EPN3: variants seen among roughly 807,000 people sequenced by gnomAD.
EPN3 encodes the protein epsin 3.
In EPN3, 56 loss-of-function variants were observed where a neutral mutation model predicts 55.5. The observed-to-expected ratio is 1.01, with a 90% CI of 0.81 to 1.26. The LOEUF (loss-of-function observed/expected upper bound fraction) is 1.26. Ranked by LOEUF, EPN3 falls within the 50% of genes most tolerant of loss-of-function variation. EPN3 has a pLI of 0.00. For synonymous variants in EPN3, 449 were observed against 375.2 expected (o/e 1.20, Z -2.27); for missense variants, 927 against 853.4 (o/e 1.09, Z -1.07).
At chr17:50,540,685 C>T in intron 6 of EPN3, 108 bp from the exon 7 acceptor site, 2 of 1,418,470 alleles carry the variant, frequency 1.4e-6, no homozygotes, top group Non-Finnish European at 1.9e-6. Flanking sequence ...TGCAGGCCAT[C>T]TGTGACATGG....
At position 50,540,867 on chromosome 17, in the gene EPN3, G is replaced by A. The variant is rs867175700; in HGVS notation, c.1054G>A (p.Gly352Arg). The A allele has an allele frequency of 6.2e-7, 1 of 1,614,164 alleles. No homozygotes were observed. The highest frequency in any genetic ancestry group is 1.3e-5 in the African/African-American group (1 of 75,046). Residue 352 changes from glycine (G) to arginine (R), a missense_variant, in exon 7 of 10, where the codon GGA (glycine) becomes AGA (arginine). Coordinates refer to ENST00000268933, the MANE Select transcript of EPN3 (RefSeq NM_017957.3). ...AGACCCCTGGTCTCCGATCCCCTCA[G>A]GAACCGTCCTGTCCCGAAGCCAGCC... is the stretch of plus-strand genomic sequence containing the variant. ...SADPWSPIPS[G>R]TVLSRSQPWD...
In EPN3 at chr17:50,532,941, A is replaced by T. The variant is rs544884167; in HGVS notation, c.-181A>T. Reference sequence around the variant, plus strand: ...TGCACAGGTCGGAGGGTCACCGCAGAGGCTACTCGGGCTGGGGCTGGGGCC... The same window carrying T: ...TGCACAGGTCGGAGGGTCACCGCAGTGGCTACTCGGGCTGGGGCTGGGGCC... On this transcript the variant is annotated 5_prime_UTR_variant, in exon 1 of 10. Transcript: ENST00000268933. The T allele has an allele frequency of 1.6e-6, 2 of 1,286,010 alleles. No individual in the cohort carries two copies. The highest frequency in any genetic ancestry group is 4.7e-5 in the Admixed American group (2 of 42,938). The allele number at this position is 1,286,010 out of a possible 1,614,324, so 79.7% of individuals were successfully genotyped here. A position where few individuals can be genotyped will look rare whatever the true frequency, so the allele number is the denominator to read the frequency against.
chr17:50,539,011 G>A (rs776368021), intron 4 of EPN3, 47 bp downstream of exon 4: 2 of 1,557,888 alleles, frequency 1.3e-6, no homozygotes, highest in Non-Finnish European at 1.7e-6. Context: ...GCTGCTGCTG[G>A]TGGAGGTGCT....
intron 6 of EPN3, 114 bp downstream of exon 6, chr17:50,540,448 A>C (rs1344576315): frequency 1.0e-6 from 1 of 989,846 alleles, no homozygotes; most frequent in African/African-American, 1.6e-5. Flanking sequence ...CGGGCAAGTC[A>C]CTCACCACCT....
chr17:50,536,180 T>C lies in EPN3; in HGVS notation c.-136-241T>C. On this transcript the variant is annotated intron_variant, in intron 1 of 9. Coordinates refer to ENST00000268933, the MANE Select transcript of EPN3 (RefSeq NM_017957.3). Reference sequence around the variant, plus strand: ...CCCATTTAATACTCTGAGCCCCACCTTTCCCATCTGTGGATGGAGGTAATG... The same window carrying C: ...CCCATTTAATACTCTGAGCCCCACCCTTCCCATCTGTGGATGGAGGTAATG... 1.6e-5 allele frequency: 4 copies of C among 256,406 alleles called. No homozygotes were observed. In the South Asian group the frequency reaches 2.1e-4, roughly 13 times the overall value. The allele number at this position is 256,406 out of a possible 1,614,324, so 15.9% of individuals were successfully genotyped here.
rs1163243541 is a variant in EPN3 at position 50,536,962 on chromosome 17, G to A, written c.406G>A (p.Asp136Asn). The change falls in exon 2 of 10, where the codon GAT becomes AAT. Residue 136 changes from aspartate (D) to asparagine (N), a missense_variant. Coordinates refer to ENST00000268933, the MANE Select transcript of EPN3 (RefSeq NM_017957.3). ...KVKQVMALLK[D>N]EERLRQERTH... ...CAAGCAGGTGATGGCCCTGCTCAAG[G>A]ATGAGGAGCGGCTGCGGCAGGAGCG... is the stretch of plus-strand genomic sequence containing the variant. 1 of 1,614,008 alleles carries A rather than the reference G, an allele frequency of 6.2e-7. No individual in the cohort carries two copies. Among genetic ancestry groups the A allele is most frequent in the Admixed American group, 1.7e-5 (1 of 60,034 alleles).
rs753379983 is a variant in EPN3, at chr17:50,536,697, C to T, written c.141C>T (p.Thr47=). The change falls in exon 2 of 10, where the codon ACC becomes ACT. Residue 47 remains threonine, a synonymous_variant. Transcript: ENST00000268933. The part of the protein sequence containing the change: ...SSLMSEIADL[T]FNTVAFTEVM... ...TCATGTCCGAGATCGCTGACCTGACCTTCAACACAGTGGCCTTCACCGAAG... is the reference window on the plus strand; with the variant it reads ...TCATGTCCGAGATCGCTGACCTGACTTTCAACACAGTGGCCTTCACCGAAG... 1 of 1,614,128 alleles carries T rather than the reference C, an allele frequency of 6.2e-7. No individual in the cohort carries two copies. The highest frequency in any genetic ancestry group is 8.5e-7 in the Non-Finnish European group (1 of 1,180,028).
chr17:50,539,118 C>G, intron 4 of EPN3, 69 bp from the exon 5 acceptor site: 8 of 1,599,504 alleles, frequency 5.0e-6, no homozygotes, highest in South Asian at 1.1e-5. Flanking sequence ...ACTCCAGCCT[C>G]TGGTGCACAG....
At position 50,532,899 on chromosome 17, in the gene EPN3, C is replaced by T. The variant is rs1391805357; in HGVS notation, c.-223C>T. The T allele has an allele frequency of 7.8e-7, 1 of 1,286,014 alleles. No homozygotes were observed. Among genetic ancestry groups the T allele is most frequent in the Non-Finnish European group, 1.0e-6 (1 of 987,446 alleles). The allele number at this position is 1,286,014 out of a possible 1,614,324, so 79.7% of individuals were successfully genotyped here. Reference sequence around the variant, plus strand: ...GATGGCTCTGGAGACGCTCCCGAGGCTGTGCCGTCCCGCTGCTGCACAGGT... The same window carrying T: ...GATGGCTCTGGAGACGCTCCCGAGGTTGTGCCGTCCCGCTGCTGCACAGGT... On this transcript the variant is annotated 5_prime_UTR_variant, in exon 1 of 10. Coordinates refer to ENST00000268933, the MANE Select transcript of EPN3 (RefSeq NM_017957.3).
chr17:50,541,376 G>A (rs764416881), intron 8 of EPN3, 43 bp downstream of exon 8: 5 of 1,606,688 alleles, frequency 3.1e-6, no homozygotes, highest in Admixed American at 1.7e-5. Flanking sequence ...GGAATGAGGG[G>A]CCCACCCCGA....
At chr17:50,536,389 T>C (rs2034760694) in intron 1 of EPN3, 32 bp from the exon 2 acceptor site, 1 of 1,447,976 alleles carries the variant, frequency 6.9e-7, no homozygotes, top group East Asian at 2.5e-5. Context: ...GGTAGGCCTC[T>C]GCCCCTGAGT....
At chr17:50,539,044 C>CCGCTGTA (rs2034807299) in intron 4 of EPN3, 80 bp downstream of exon 4, 2 of 1,530,398 alleles carry the variant, frequency 1.3e-6, no homozygotes, top group South Asian at 1.2e-5. Context: ...CAGCCTCCTC[C>CCGCTGTA]CGCTGTACCC....
At chr17:50,537,378 T>G (rs2034780694) in intron 2 of EPN3, 1 of 535,566 alleles carries the variant, frequency 1.9e-6, no homozygotes, top group East Asian at 3.2e-5. Flanking sequence ...AGCATGGGTT[T>G]GGAGTCAGAT....
chr17:50,541,942 G>GC lies in EPN3; in HGVS notation c.1685dup (p.Gly563ArgfsTer35). 1.3e-6 allele frequency: 2 copies of GC among 1,597,624 alleles called. No homozygotes were observed. Among genetic ancestry groups the GC allele is most frequent in the Non-Finnish European group, 1.7e-6 (2 of 1,177,704 alleles). On this transcript the variant is annotated frameshift_variant, in exon 10 of 10. Coordinates refer to ENST00000268933, the MANE Select transcript of EPN3 (RefSeq NM_017957.3). LOFTEE classifies it high-confidence loss of function. ...CACCGGCTCGCCGGCGCTGGGCCTG[G>GC]CAGGCGGGCCTGTGGGGGCGCCCCT...
Position 50,537,121 on chromosome 17 carries a change from G to C in EPN3, c.562+3G>C. ...GGGCTCCCCGTCCTCCTACAACTGTGAGTAAGCCCCGGTGTGTGGCTGGGA... is the reference window on the plus strand; with the variant it reads ...GGGCTCCCCGTCCTCCTACAACTGTCAGTAAGCCCCGGTGTGTGGCTGGGA... On this transcript the variant is annotated splice_donor_region_variant and intron_variant, in intron 2 of 9. Coordinates refer to ENST00000268933, the MANE Select transcript of EPN3 (RefSeq NM_017957.3). 1 of 1,588,068 alleles carries C rather than the reference G, an allele frequency of 6.3e-7. No individual in the cohort carries two copies. The highest frequency in any genetic ancestry group is 8.6e-7 in the Non-Finnish European group (1 of 1,168,256).
rs1201081428 is a variant in EPN3, at chr17:50,542,092, C to G, written c.1834C>G (p.Pro612Ala). Residue 612 changes from proline to alanine, a missense_variant, in exon 10 of 10, where the codon CCC becomes GCC. Transcript: ENST00000268933. ...AGCCTTCGCACCGCAGCCGCTGCTGCCCACGCCGAGCTCAGCCGGGCCGCG... is the reference window on the plus strand; with the variant it reads ...AGCCTTCGCACCGCAGCCGCTGCTGGCCACGCCGAGCTCAGCCGGGCCGCG... ...AGAFAPQPLLPTPSSAGPRPP... is the reference protein window; with the variant it reads ...AGAFAPQPLLATPSSAGPRPP... The G allele has an allele frequency of 6.4e-7, 1 of 1,569,514 alleles. No homozygotes were observed. Among genetic ancestry groups the G allele is most frequent in the Non-Finnish European group, 8.6e-7 (1 of 1,167,806 alleles).
chr17:50,541,009 C>T lies in EPN3; in HGVS notation c.1196C>T (p.Pro399Leu). 2 of 1,603,728 alleles carry T rather than the reference C, an allele frequency of 1.2e-6. No homozygotes were observed. The highest frequency in any genetic ancestry group is 1.1e-5 in the South Asian group (1 of 90,698). ...CTGAACTCTCCCCACCACAAACTCCCCAGCACTGGGGCTGACCCTTGGGGA... is the reference window on the plus strand; with the variant it reads ...CTGAACTCTCCCCACCACAAACTCCTCAGCACTGGGGCTGACCCTTGGGGA... ...WALNSPHHKL[P>L]STGADPWGAS... Residue 399 changes from proline (P) to leucine (L), a missense_variant, in exon 7 of 10, where the codon CCC becomes CTC. Pro to Leu is a moderately conservative substitution (Grantham distance 98). Coordinates refer to ENST00000268933, the MANE Select transcript of EPN3 (RefSeq NM_017957.3).
Position 50,532,837 on chromosome 17 carries a change from G to C in EPN3, c.-285G>C, listed in dbSNP as rs879453134. The C allele has an allele frequency of 2.4e-5, 30 of 1,248,222 alleles. No homozygotes were observed. Among genetic ancestry groups the C allele is most frequent in the Non-Finnish European group, 3.1e-5 (30 of 955,584 alleles). 77.3% of individuals were successfully genotyped at this position (1,248,222 alleles called of 1,614,324 possible). A position where few individuals can be genotyped will look rare whatever the true frequency, so the allele number is the denominator to read the frequency against. On this transcript the variant is annotated 5_prime_UTR_variant, in exon 1 of 10. Transcript: ENST00000268933. Reference sequence around the variant, plus strand: ...CCCCTCTGAGGGGTCTGCACCTCCTGGGAGCAGGTGGGTCTCTGGGACGAG... The same window carrying C: ...CCCCTCTGAGGGGTCTGCACCTCCTCGGAGCAGGTGGGTCTCTGGGACGAG...
chr17:50,537,094 C>G lies in EPN3; in HGVS notation c.538C>G (p.Arg180Gly), dbSNP rs750549248. 195 of 1,606,452 alleles carry G rather than the reference C, an allele frequency of 1.2e-4. No individual in the cohort carries two copies. Among genetic ancestry groups the G allele is most frequent in the Non-Finnish European group, 1.6e-4 (192 of 1,177,758 alleles). The change falls in exon 2 of 10, where the codon CGG (arginine) becomes GGG (glycine). Residue 180 changes from arginine (R) to glycine (G), a missense_variant. By Grantham distance (125) the Arg-to-Gly change is moderately radical. Coordinates refer to ENST00000268933, the MANE Select transcript of EPN3 (RefSeq NM_017957.3). ...CTACGGCGAGGACTACAGCCGCTCC[C>G]GGGGCTCCCCGTCCTCCTACAACTG... Reference protein sequence around the residue: ...RRYGEDYSRSRGSPSSYNSSS... With the variant: ...RRYGEDYSRSGGSPSSYNSSS...
Sources: allele counts gnomAD v4.1 joint callset, GRCh38; gene constraint gnomAD v4.1.1; transcripts MANE v1.5; gene names NCBI Gene and HGNC (gene_info 2026-07-23, HGNC 2026-07-21).